Variants in MAP3K1 observed in about 807,000 individuals in gnomAD.
MAP3K1 encodes mitogen-activated protein kinase kinase kinase 1, also known as MAP/ERK kinase kinase 1.
In MAP3K1, 36 loss-of-function variants were observed where a neutral mutation model predicts 144.2. The observed-to-expected ratio is 0.25, with a 90% CI of 0.19 to 0.33. The LOEUF is 0.33. Ranked by LOEUF, MAP3K1 falls within the 10% of genes least tolerant of loss-of-function variation. MAP3K1 has a pLI of 1.00. For synonymous variants in MAP3K1, 718 were observed against 688.7 expected (o/e 1.04, Z -0.67); for missense variants, 1,650 against 1,881.9 (o/e 0.88, Z 2.28).
rs535674140 is a variant in MAP3K1 at position 56,818,008 on chromosome 5, A to G, written c.482+1953A>G. On this transcript the variant is annotated intron_variant, in intron 1 of 19. Coordinates refer to ENST00000399503, the MANE Select transcript of MAP3K1 (RefSeq NM_005921.2). ...AAGGTGTAGATTATAATTGCACAGTATAAGAAAATAATGGGCTTGTAAGGA... is the reference window on the plus strand; with the variant it reads ...AAGGTGTAGATTATAATTGCACAGTGTAAGAAAATAATGGGCTTGTAAGGA... Among the ~76,000 whole-genome samples, 4 of 152,220 alleles carry G rather than the reference A, an allele frequency of 2.6e-5. No individual in the cohort carries two copies. The East Asian group carries it at 5.8e-4, about 22-fold the overall frequency.
chr5:56,816,693 G>C (rs1466735291), intron 1 of MAP3K1, among the ~76,000 whole-genome samples: 5 of 152,292 alleles, frequency 3.3e-5, no homozygotes, highest in East Asian at 1.9e-4. Flanking sequence ...CCAGGAGGAC[G>C]GCTCGGTAAC....
chr5:56,893,800 A>G lies in MAP3K1; in HGVS notation c.*120A>G. 9.2e-7 allele frequency: 1 copy of G among 1,082,590 alleles called. No homozygotes were observed. Among genetic ancestry groups the G allele is most frequent in the Non-Finnish European group, 1.4e-6 (1 of 729,476 alleles). 67.1% of individuals were successfully genotyped at this position (1,082,590 alleles called of 1,614,324 possible). A position where few individuals can be genotyped will look rare whatever the true frequency, so the allele number is the denominator to read the frequency against. On this transcript the variant is annotated 3_prime_UTR_variant, in exon 20 of 20. Transcript: ENST00000399503. ...CCACTGAACAGCTATGAACGAGGCC[A>G]GTGGGGAACCCTTACCTAAGTATGT...
At chr5:56,873,761 G>C (rs1747932507) in intron 9 of MAP3K1, among the ~76,000 whole-genome samples, 1 of 152,080 alleles carries the variant, frequency 6.6e-6, no homozygotes, top group Non-Finnish European at 1.5e-5. Flanking sequence ...TATATCATTA[G>C]GATTTGTTAC....
At chr5:56,857,347 A>G (rs991400971) in intron 2 of MAP3K1, among the ~76,000 whole-genome samples, 13 of 152,170 alleles carry the variant, frequency 8.5e-5, no homozygotes, top group African/African-American at 2.9e-4. Context: ...TTTAAAAAGC[A>G]GGGATACTCT....
chr5:56,833,482 A>G (rs1231290189), intron 1 of MAP3K1, among the ~76,000 whole-genome samples: 1 of 152,138 alleles, frequency 6.6e-6, no homozygotes, highest in Non-Finnish European at 1.5e-5. Flanking sequence ...GTGAACACTC[A>G]TGACCTCCTG....
At chr5:56,852,343 C>T (rs1022749325) in intron 1 of MAP3K1, among the ~76,000 whole-genome samples, 20 of 152,174 alleles carry the variant, frequency 1.3e-4, no homozygotes, top group Non-Finnish European at 2.2e-4. Context: ...GGACTGACTA[C>T]AGTTTCCCTG....
intron 1 of MAP3K1, among the ~76,000 whole-genome samples, chr5:56,822,983 T>G (rs1481859337): frequency 6.6e-6 from 1 of 152,160 alleles, no homozygotes; most frequent in Non-Finnish European, 1.5e-5. Context: ...TTCCACTAAC[T>G]TAGTGGCCTC....
chr5:56,837,543 C>T (rs957171267), intron 1 of MAP3K1, among the ~76,000 whole-genome samples: 3 of 152,180 alleles, frequency 2.0e-5, no homozygotes, highest in East Asian at 3.9e-4. Flanking sequence ...ATCTTTCTGG[C>T]GTAGAAGTTC....
At chr5:56,865,239 C>T in intron 4 of MAP3K1, 101 bp from the exon 5 acceptor site, 2 of 760,010 alleles carry the variant, frequency 2.6e-6, no homozygotes, top group Non-Finnish European at 4.6e-6. Flanking sequence ...TTAATAGAAA[C>T]TTTAGTATAA....
At chr5:56,829,906 T>C (rs2111777832) in intron 1 of MAP3K1, among the ~76,000 whole-genome samples, 1 of 152,342 alleles carries the variant, frequency 6.6e-6, no homozygotes, top group Non-Finnish European at 1.5e-5. Flanking sequence ...ATTCCCTCCA[T>C]TGCAAGATGA....
intron 18 of MAP3K1, chr5:56,887,730 T>G (rs1278197337): frequency 1.1e-5 from 6 of 570,842 alleles, no homozygotes; most frequent in African/African-American, 1.9e-5. Flanking sequence ...TTTAATAGAT[T>G]TACTTAACGG....
At chr5:56,889,501 G>A (rs535925253) in intron 19 of MAP3K1, among the ~76,000 whole-genome samples, 4 of 152,244 alleles carry the variant, frequency 2.6e-5, no homozygotes, top group Middle Eastern at 3.4e-3. Context: ...TCACACCCAA[G>A]TCAGTTCAGT....
At chr5:56,853,392 A>T (rs1170132185) in intron 1 of MAP3K1, among the ~76,000 whole-genome samples, 1 of 152,186 alleles carries the variant, frequency 6.6e-6, no homozygotes. Context: ...ACAGAATTAT[A>T]AAAAAAGTTA....
At chr5:56,858,156 A>C (rs1281780318) in intron 2 of MAP3K1, among the ~76,000 whole-genome samples, 8 of 152,224 alleles carry the variant, frequency 5.3e-5, no homozygotes, top group Admixed American at 3.9e-4. Context: ...CTACTCAATC[A>C]ATATAAAGAA....
chr5:56,834,027 T>C (rs1746572055), intron 1 of MAP3K1, among the ~76,000 whole-genome samples: 1 of 152,160 alleles, frequency 6.6e-6, no homozygotes, highest in East Asian at 1.9e-4. Flanking sequence ...ACAAAGGAGA[T>C]TATCTTTTAG....
At chr5:56,883,705 GA>G in intron 15 of MAP3K1, 26 bp downstream of exon 15, 2 of 1,611,242 alleles carry the variant, frequency 1.2e-6, no homozygotes, top group Non-Finnish European at 1.7e-6. Flanking sequence ...GCATATAAAT[GA>G]AATGACTCAA....
At chr5:56,842,948 T>C (rs892581459) in intron 1 of MAP3K1, among the ~76,000 whole-genome samples, 1 of 152,316 alleles carries the variant, frequency 6.6e-6, no homozygotes, top group South Asian at 2.1e-4. Context: ...CTGATCGCTG[T>C]GCCATACTTC....
chr5:56,881,533 T>C (rs1186714986), intron 13 of MAP3K1, 37 bp from the exon 14 acceptor site: 18 of 1,498,002 alleles, frequency 1.2e-5, no homozygotes, highest in Non-Finnish European at 1.6e-5. Flanking sequence ...TTTCAGTAAT[T>C]GGAACTTATA....
At chr5:56,856,219 T>G (rs1747339869) in intron 1 of MAP3K1, among the ~76,000 whole-genome samples, 1 of 152,216 alleles carries the variant, frequency 6.6e-6, no homozygotes, top group Non-Finnish European at 1.5e-5. Context: ...AATCAGCATA[T>G]CCACCAGATT....
Sources: allele counts gnomAD v4.1 joint callset (sites outside exome capture counted in the v4.1 genomes callset), GRCh38; gene constraint gnomAD v4.1.1; transcripts MANE v1.5; gene names NCBI Gene and HGNC (gene_info 2026-07-23, HGNC 2026-07-21).